The following FAM83F variants were observed in gnomAD, a reference collection of about 807,000 sequenced individuals.
The protein encoded by FAM83F is protein FAM83F.
In FAM83F, 45 loss-of-function variants were observed where a neutral mutation model predicts 42.9. The ratio of observed to expected loss-of-function variants is 1.05; its 90% CI spans 0.83 to 1.35. The LOEUF is 1.35. FAM83F is among the 40% of genes most tolerant of loss of function. FAM83F has a pLI of 0.00. For synonymous variants in FAM83F, 306 were observed against 298.3 expected (o/e 1.03, Z -0.27); for missense variants, 617 against 695.9 (o/e 0.89, Z 1.28).
rs2067520893 is a variant in FAM83F at position 40,021,485 on chromosome 22, C to T, written c.975C>T (p.Pro325=). 1 of 1,595,746 alleles carries T rather than the reference C, an allele frequency of 6.3e-7. No individual in the cohort carries two copies. Among genetic ancestry groups the T allele is most frequent in the African/African-American group, 1.3e-5 (1 of 74,544 alleles). Residue 325 remains proline (P), a synonymous_variant, in exon 4 of 5, where the codon CCC becomes CCT. Transcript: ENST00000333407. The surrounding 1 kb of genome is among the most constrained non-coding windows in gnomAD (Gnocchi z 8.7). ...SSTVARKLIN[P]KYALVSGCRH... ...CTGTGGCTCGAAAGCTTATCAACCC[C>T]AAGTACGCCTTGGTGTCAGGCTGCC...
In FAM83F at chr22:40,034,916, GTGCATGGTC is replaced by G. The variant is rs2067612946; in HGVS notation, c.*5353_*5361del. 1 of 152,178 alleles carries G rather than the reference GTGCATGGTC, an allele frequency of 6.6e-6. No homozygotes were observed. 9.4% of individuals were successfully genotyped at this position (152,178 alleles called of 1,614,324 possible). ...CTTCTCCTTTCTTCATCTGTCCTAA[GTGCATGGTC>G]TTCATCTCCTGGGTGGTCCAGACTA... On this transcript the variant is annotated 3_prime_UTR_variant, in exon 5 of 5. Coordinates refer to ENST00000333407, the MANE Select transcript of FAM83F (RefSeq NM_138435.4).
At position 40,021,896 on chromosome 22, in the gene FAM83F, C is replaced by G; in HGVS notation, c.1386C>G (p.Thr462=). The change falls in exon 4 of 5, where the codon ACC becomes ACG. Residue 462 remains threonine (T), a synonymous_variant. Transcript: ENST00000333407. This position sits in a 1 kb window ranked among gnomAD's most constrained non-coding sequence, Gnocchi z 8.7. ...ATGGCATGGCCAGCTCTGTCTCCAC[C>G]GAGACCTCTGAAGTGGAGTTTCTGA... The part of the protein sequence containing the change: ...APNGMASSVS[T]ETSEVEFLTG... 1.2e-6 allele frequency: 2 copies of G among 1,601,396 alleles called. No individual in the cohort carries two copies. The highest frequency in any genetic ancestry group is 1.7e-6 in the Non-Finnish European group (2 of 1,173,858).
In FAM83F at chr22:39,995,475, G is replaced by A. The variant is rs1176060061; in HGVS notation, c.433G>A (p.Glu145Lys). The change falls in exon 1 of 5, where the codon GAG becomes AAG. Residue 145 changes from glutamate (E) to lysine (K), a missense_variant. Transcript: ENST00000333407. The surrounding 1 kb of genome is among the most constrained non-coding windows in gnomAD (Gnocchi z 4.6). ...VTLFTHPPKD[E>K]KAPHLKQVVR... The stretch of plus-strand genomic sequence containing the variant: ...GCTCTTCACCCACCCGCCCAAGGAC[G>A]AGAAGGCGCCGCACCTCAAGCAGGT... 7 of 1,577,664 alleles carry A rather than the reference G, an allele frequency of 4.4e-6. No individual in the cohort carries two copies. The highest frequency in any genetic ancestry group is 2.7e-5 in the African/African-American group (2 of 73,992).
intron 1 of FAM83F, among the ~76,000 whole-genome samples, chr22:40,012,494 G>A (rs1348464973): frequency 6.6e-6 from 1 of 151,990 alleles, no homozygotes; most frequent in Non-Finnish European, 1.5e-5. Flanking sequence ...ATTTTGCCTG[G>A]TGCGGTGGTT....
At chr22:39,996,812 A>G (rs2067375399) in intron 1 of FAM83F, among the ~76,000 whole-genome samples, 1 of 152,212 alleles carries the variant, frequency 6.6e-6, no homozygotes. Flanking sequence ...CTCCCTCTCT[A>G]TAATTCCTCC....
intron 1 of FAM83F, among the ~76,000 whole-genome samples, chr22:40,001,917 C>T (rs1234333159): frequency 1.3e-5 from 2 of 152,130 alleles, no homozygotes; most frequent in Non-Finnish European, 1.5e-5. Flanking sequence ...TTCCTGTTTC[C>T]ACCTTTGAGC....
Position 39,995,018 on chromosome 22 carries a change from G to A in FAM83F, c.-25G>A, listed in dbSNP as rs2067365466. 2 of 1,251,498 alleles carry A rather than the reference G, an allele frequency of 1.6e-6. No individual in the cohort carries two copies. The highest frequency in any genetic ancestry group is 2.0e-6 in the Non-Finnish European group (2 of 1,000,036). 77.5% of individuals were successfully genotyped at this position (1,251,498 alleles called of 1,614,324 possible). A position where few individuals can be genotyped will look rare whatever the true frequency, so the allele number is the denominator to read the frequency against. On this transcript the variant is annotated 5_prime_UTR_variant, in exon 1 of 5. Transcript: ENST00000333407. This position sits in a 1 kb window ranked among gnomAD's most constrained non-coding sequence, Gnocchi z 4.6. ...TCGGACCGCGGCGGGGCCGGGGCCA[G>A]GGCCGGGGCCGGGGCCGGGGCGCCA...
rs1169671745 is a variant in FAM83F, at chr22:40,038,210, G to A, written c.*8645G>A. 6.6e-6 allele frequency: 1 copy of A among 152,388 alleles called. No homozygotes were observed. The highest frequency in any genetic ancestry group is 6.5e-5 in the Admixed American group (1 of 15,286). The allele number at this position is 152,388 out of a possible 1,614,324, so 9.4% of individuals were successfully genotyped here. On this transcript the variant is annotated 3_prime_UTR_variant, in exon 5 of 5. Coordinates refer to ENST00000333407, the MANE Select transcript of FAM83F (RefSeq NM_138435.4). ...AAAGCACAGCATGTAAAGAAGCCCAGAGGAGGCACTTAACCTGGGGGAGAA... is the reference window on the plus strand; with the variant it reads ...AAAGCACAGCATGTAAAGAAGCCCAAAGGAGGCACTTAACCTGGGGGAGAA...
At chr22:40,005,312 AT>A (rs945448827) in intron 1 of FAM83F, among the ~76,000 whole-genome samples, 2 of 152,096 alleles carry the variant, frequency 1.3e-5, no homozygotes, top group Non-Finnish European at 2.9e-5. Flanking sequence ...TCTTCTTTGG[AT>A]TTTTTTTAGC....
chr22:39,995,362 A>G lies in FAM83F; in HGVS notation c.320A>G (p.Tyr107Cys). The change falls in exon 1 of 5, where the codon TAC (tyrosine) becomes TGC (cysteine). Residue 107 changes from tyrosine (Y) to cysteine (C), a missense_variant. Coordinates refer to ENST00000333407, the MANE Select transcript of FAM83F (RefSeq NM_138435.4). This position sits in a 1 kb window ranked among gnomAD's most constrained non-coding sequence, Gnocchi z 4.6. The stretch of plus-strand genomic sequence containing the variant: ...GCTGAGTCCGGCGAGTCCCTGGCCT[A>G]CTGGCCCGACCGTTCCGACACCGAG... ...APAESGESLA[Y>C]WPDRSDTEVP... 6.5e-7 allele frequency: 1 copy of G among 1,544,118 alleles called. No homozygotes were observed. The highest frequency in any genetic ancestry group is 8.7e-7 in the Non-Finnish European group (1 of 1,146,572).
intron 4 of FAM83F, among the ~76,000 whole-genome samples, chr22:40,026,929 C>G (rs533433050): frequency 6.6e-6 from 1 of 152,298 alleles, no homozygotes; most frequent in Non-Finnish European, 1.5e-5. Context: ...GCTGTTATTA[C>G]TGTTGTTACT....
chr22:40,022,500 G>A (rs577655194), intron 4 of FAM83F, among the ~76,000 whole-genome samples: 1 of 152,236 alleles, frequency 6.6e-6, no homozygotes, highest in African/African-American at 2.4e-5. Context: ...CTGGTGCCCT[G>A]ACCCAGTTTC....
intron 1 of FAM83F, among the ~76,000 whole-genome samples, chr22:40,010,772 C>T (rs1030323186): frequency 5.9e-5 from 9 of 152,230 alleles, no homozygotes; most frequent in African/African-American, 2.2e-4. Flanking sequence ...GGGAGATAAA[C>T]TATCAGCACT....
intron 1 of FAM83F, among the ~76,000 whole-genome samples, chr22:40,000,912 C>G (rs2067397831): frequency 6.6e-6 from 1 of 152,220 alleles, no homozygotes; most frequent in African/African-American, 2.4e-5. Context: ...GCCCCATGCA[C>G]TCCTAATCGT....
intron 1 of FAM83F, among the ~76,000 whole-genome samples, chr22:40,005,490 G>A (rs1354117339): frequency 6.6e-6 from 1 of 152,240 alleles, no homozygotes; most frequent in Non-Finnish European, 1.5e-5. Context: ...GAATTGCTCT[G>A]CCTACTCCCT....
rs551651106 is a variant in FAM83F at position 40,037,373 on chromosome 22, A to AAAAC, written c.*7820_*7823dup. The stretch of plus-strand genomic sequence containing the variant: ...GGCAACAGAGCTAGACTCCATCTCA[A>AAAAC]AAACAAACAAACAAAAAAACAAAAG... On this transcript the variant is annotated 3_prime_UTR_variant, in exon 5 of 5. Transcript: ENST00000333407. The AAAAC allele has an allele frequency of 6.6e-6, 1 of 152,614 alleles. No individual in the cohort carries two copies. Among genetic ancestry groups the AAAAC allele is most frequent in the Non-Finnish European group, 1.5e-5 (1 of 68,364 alleles). 9.5% of individuals were successfully genotyped at this position (152,614 alleles called of 1,614,324 possible). A position where few individuals can be genotyped will look rare whatever the true frequency, so the allele number is the denominator to read the frequency against.
At position 40,031,894 on chromosome 22, in the gene FAM83F, TA is replaced by T. The variant is rs1302595880; in HGVS notation, c.*2330del. 6.6e-6 allele frequency: 1 copy of T among 152,308 alleles called. No homozygotes were observed. Among genetic ancestry groups the T allele is most frequent in the African/African-American group, 2.4e-5 (1 of 41,472 alleles). The allele number at this position is 152,308 out of a possible 1,614,324, so 9.4% of individuals were successfully genotyped here. ...AGCTCTTCATGTTTGCCTGTCTGCC[TA>T]GGCACCGGCCCACTCTGTTCTGCCT... On this transcript the variant is annotated 3_prime_UTR_variant, in exon 5 of 5. Coordinates refer to ENST00000333407, the MANE Select transcript of FAM83F (RefSeq NM_138435.4).
Position 39,995,023 on chromosome 22 carries a change from G to C in FAM83F, c.-20G>C. On this transcript the variant is annotated 5_prime_UTR_variant, in exon 1 of 5. Coordinates refer to ENST00000333407, the MANE Select transcript of FAM83F (RefSeq NM_138435.4). This position sits in a 1 kb window ranked among gnomAD's most constrained non-coding sequence, Gnocchi z 4.6. ...CCGCGGCGGGGCCGGGGCCAGGGCC[G>C]GGGCCGGGGCCGGGGCGCCATGGCC... The C allele has an allele frequency of 1.6e-6, 2 of 1,252,914 alleles. No individual in the cohort carries two copies. The highest frequency in any genetic ancestry group is 1.0e-6 in the Non-Finnish European group (1 of 999,956). The allele number at this position is 1,252,914 out of a possible 1,614,324, so 77.6% of individuals were successfully genotyped here. A position where few individuals can be genotyped will look rare whatever the true frequency, so the allele number is the denominator to read the frequency against.
chr22:40,014,946 A>AG (rs746368270), intron 1 of FAM83F, among the ~76,000 whole-genome samples: 2 of 152,238 alleles, frequency 1.3e-5, no homozygotes, highest in Non-Finnish European at 2.9e-5. Context: ...TGTGAGGATC[A>AG]GATTAGAAAA....
Sources: allele counts gnomAD v4.1 joint callset (sites outside exome capture counted in the v4.1 genomes callset), GRCh38; gene constraint gnomAD v4.1.1; non-coding constraint Gnocchi (gnomAD v3.1); transcripts MANE v1.5; gene names NCBI Gene and HGNC (gene_info 2026-07-23, HGNC 2026-07-21).